The following HACE1 variants were observed in gnomAD, a reference collection of about 807,000 sequenced individuals.
HACE1 encodes the protein E3 ubiquitin-protein ligase HACE1.
Under a neutral mutation model 118.4 loss-of-function variants are expected in HACE1, and 73 were observed. The ratio of observed to expected loss-of-function variants is 0.62; its 90% CI spans 0.51 to 0.75. The LOEUF (loss-of-function observed/expected upper bound fraction) is 0.75. Among genes scored for constraint, HACE1 ranks in the 30% least tolerant of loss-of-function variants. The pLI, the probability that HACE1 is intolerant of heterozygous loss-of-function variation, is 0.00. For synonymous variants in HACE1, 368 were observed against 374.8 expected, an observed-to-expected ratio of 0.98 and a Z score of 0.21; for missense variants, 749 against 1,102.2, an observed-to-expected ratio of 0.68 and a Z score of 4.54.
At chr6:104,749,644 A>G (rs527779766) in intron 20 of HACE1, among the ~76,000 whole-genome samples, 5 of 152,118 alleles carry the variant, frequency 3.3e-5, no homozygotes, top group Non-Finnish European at 7.4e-5. Context: ...GCTATATGCT[A>G]TTTAAAATAC....
chr6:104,818,416 A>C (rs1485412356), intron 6 of HACE1, among the ~76,000 whole-genome samples: 1 of 152,120 alleles, frequency 6.6e-6, no homozygotes, highest in African/African-American at 2.4e-5. Flanking sequence ...AACCAAAAAA[A>C]GCCCAGGACC....
intron 6 of HACE1, among the ~76,000 whole-genome samples, chr6:104,813,597 A>C (rs1214049639): frequency 7.3e-6 from 1 of 137,132 alleles, no homozygotes; most frequent in African/African-American, 2.9e-5. Context: ...AATTCAGATG[A>C]CAGCCCCCAC....
chr6:104,855,196 G>C (rs1776598868), intron 1 of HACE1, among the ~76,000 whole-genome samples: 1 of 152,166 alleles, frequency 6.6e-6, no homozygotes, highest in Non-Finnish European at 1.5e-5. Flanking sequence ...TGTAATCCCA[G>C]CACTTTGGGA....
intron 17 of HACE1, among the ~76,000 whole-genome samples, chr6:104,776,233 T>G (rs1265178157): frequency 1.3e-5 from 2 of 152,236 alleles, no homozygotes; most frequent in African/African-American, 4.8e-5. Flanking sequence ...GTTGAAATTT[T>G]ATATCATGAT....
At chr6:104,815,520 C>A (rs1772019899) in intron 6 of HACE1, among the ~76,000 whole-genome samples, 1 of 136,330 alleles carries the variant, frequency 7.3e-6, no homozygotes, top group Admixed American at 7.2e-5. Flanking sequence ...CGCCACCACA[C>A]CCAGCTAATT....
At chr6:104,832,913 A>T in intron 6 of HACE1, 129 bp downstream of exon 6, 1 of 873,434 alleles carries the variant, frequency 1.1e-6, no homozygotes, top group Non-Finnish European at 1.9e-6. Context: ...AAAAAAGTCC[A>T]TATGATGCAG....
rs1186998651 is a variant in HACE1 at position 104,815,570 on chromosome 6, C to T, written c.535-4177G>A. On this transcript the variant is annotated intron_variant, in intron 6 of 23. Coordinates refer to ENST00000262903, the MANE Select transcript of HACE1 (RefSeq NM_020771.4). Reference sequence around the variant, plus strand: ...TAGAGATGGGGTCTCACCCTGTTGGCCAGGCTGGTCCTTAAGTCCTGATCT... The same window carrying T: ...TAGAGATGGGGTCTCACCCTGTTGGTCAGGCTGGTCCTTAAGTCCTGATCT... Among the ~76,000 whole-genome samples, 2 of 136,120 alleles carry T rather than the reference C, an allele frequency of 1.5e-5. 1 individual carries two copies. The highest frequency in any genetic ancestry group is 4.5e-4 in the East Asian group (2 of 4,488). 89.3% of individuals were successfully genotyped at this position (136,120 alleles called of 152,430 possible).
In HACE1 at chr6:104,728,423, T is replaced by C. The variant is rs1444343547; in HGVS notation, c.*1239A>G. The C allele has an allele frequency of 1.3e-5, 2 of 152,192 alleles. No individual in the cohort carries two copies. Among genetic ancestry groups the C allele is most frequent in the African/African-American group, 2.4e-5 (1 of 41,450 alleles). The allele number at this position is 152,192 out of a possible 1,614,324, so 9.4% of individuals were successfully genotyped here. On this transcript the variant is annotated 3_prime_UTR_variant, in exon 24 of 24. Transcript: ENST00000262903. Reference sequence around the variant, plus strand: ...TCTGTTAAGATATATTTTGTTAACATTTAGAAAAGACAAGAGAATAAGAGA... The same window carrying C: ...TCTGTTAAGATATATTTTGTTAACACTTAGAAAAGACAAGAGAATAAGAGA...
intron 14 of HACE1, chr6:104,780,426 A>G: frequency 2.4e-6 from 1 of 417,316 alleles, no homozygotes. Flanking sequence ...GTACAGCAAT[A>G]CAAAATGTTT....
intron 19 of HACE1, among the ~76,000 whole-genome samples, chr6:104,756,336 C>T (rs1289054085): frequency 6.7e-6 from 1 of 149,946 alleles, no homozygotes; most frequent in Non-Finnish European, 1.5e-5. Flanking sequence ...TTCTTGAACC[C>T]AGTAGGCAGA....
chr6:104,791,647 T>C lies in HACE1; in HGVS notation c.931A>G (p.Ser311Gly), dbSNP rs1783039088. The change falls in exon 11 of 24, where the codon AGC (serine) becomes GGC (glycine). Residue 311 changes from serine (S) to glycine (G), a missense_variant. Coordinates refer to ENST00000262903, the MANE Select transcript of HACE1 (RefSeq NM_020771.4). ...CTCTTCATTTGAGCATCATAATTGC[T>C]AGAGAGGCTGAAAATAAAAATTAAA... ...TNGHKLLSLS[S>G]NYDAQMKSLL... is the part of the protein sequence containing the mutation. 4 of 1,602,932 alleles carry C rather than the reference T, an allele frequency of 2.5e-6. No individual in the cohort carries two copies. Among genetic ancestry groups the C allele is most frequent in the Non-Finnish European group, 3.4e-6 (4 of 1,170,290 alleles).
At chr6:104,816,629 G>A (rs1367522901) in intron 6 of HACE1, among the ~76,000 whole-genome samples, 1 of 152,226 alleles carries the variant, frequency 6.6e-6, no homozygotes, top group Non-Finnish European at 1.5e-5. Flanking sequence ...CTAGGGCAGT[G>A]CAGACAGGAA....
At position 104,749,990 on chromosome 6, in the gene HACE1, G is replaced by A. The variant is rs1007649967; in HGVS notation, c.2343+351C>T. 3.9e-5 allele frequency among the ~76,000 whole-genome samples: 6 copies of A among 152,120 alleles called. 1 individual carries two copies. The highest frequency in any genetic ancestry group is 3.9e-4 in the East Asian group (2 of 5,182). On this transcript the variant is annotated intron_variant, in intron 20 of 23. Transcript: ENST00000262903. ...AGAAGTTTAAGAAGTTAGTATCAGC[G>A]CCCTTTACATCATGTGGTCAAATAA...
In HACE1 at chr6:104,728,953, T is replaced by G. The variant is rs1253677526; in HGVS notation, c.*709A>C. ...ATACATTTTAATTTTACCTTCATTA[T>G]AAATTAAAATGAGGCGTAAGAAAAA... On this transcript the variant is annotated 3_prime_UTR_variant, in exon 24 of 24. Coordinates refer to ENST00000262903, the MANE Select transcript of HACE1 (RefSeq NM_020771.4). 6.6e-6 allele frequency: 1 copy of G among 152,560 alleles called. No individual in the cohort carries two copies. The highest frequency in any genetic ancestry group is 1.5e-5 in the Non-Finnish European group (1 of 67,988). The allele number at this position is 152,560 out of a possible 1,614,324, so 9.5% of individuals were successfully genotyped here.
intron 6 of HACE1, among the ~76,000 whole-genome samples, chr6:104,831,988 A>AAGAG (rs1562471383): frequency 0.011 from 578 of 53,288 alleles, 1 homozygote; most frequent in South Asian, 0.043. Flanking sequence ...GAGAGGAAGG[A>AAGAG]AGGAAGGAAG....
intron 19 of HACE1, among the ~76,000 whole-genome samples, chr6:104,762,218 T>A (rs1159882011): frequency 6.6e-6 from 1 of 152,208 alleles, no homozygotes; most frequent in Non-Finnish European, 1.5e-5. Context: ...CAAAGGATTA[T>A]AAATCACGCT....
At chr6:104,763,713 C>T (rs974331144) in intron 19 of HACE1, among the ~76,000 whole-genome samples, 4 of 152,132 alleles carry the variant, frequency 2.6e-5, no homozygotes, top group Admixed American at 6.5e-5. Context: ...AAGCAACAAA[C>T]AGCAGGCTTT....
At chr6:104,831,918 A>AAGAAGAGACGAGAAG (rs1773925416) in intron 6 of HACE1, among the ~76,000 whole-genome samples, 1 of 62,830 alleles carries the variant, frequency 1.6e-5, no homozygotes, top group Non-Finnish European at 3.8e-5. Context: ...AGAAAAGAGA[A>AAGAAGAGACGAGAAG]AGAAGAGAAG....
chr6:104,825,523 C>T (rs1449750029), intron 6 of HACE1, among the ~76,000 whole-genome samples: 1 of 152,160 alleles, frequency 6.6e-6, no homozygotes. Context: ...TTCAAATGCA[C>T]AGAAGTGCAA....
Sources: allele counts gnomAD v4.1 joint callset (sites outside exome capture counted in the v4.1 genomes callset), GRCh38; gene constraint gnomAD v4.1.1; transcripts MANE v1.5; gene names NCBI Gene and HGNC (gene_info 2026-07-23, HGNC 2026-07-21).